TAOK2: variants seen among roughly 807,000 people sequenced by gnomAD.
TAOK2 encodes the protein TAO kinase 2, also known as serine/threonine-protein kinase TAO2.
Under a neutral mutation model 122.5 loss-of-function variants are expected in TAOK2, and 42 were observed. The ratio of observed to expected loss-of-function variants is 0.34; its 90% confidence interval spans 0.27 to 0.44. The LOEUF (loss-of-function observed/expected upper bound fraction) is 0.44, where lower values mean the gene tolerates loss of function less well. Among genes scored for constraint, TAOK2 ranks in the 20% least tolerant of loss-of-function variants. The pLI is 1.00. For missense variants in TAOK2, 1,264 were observed against 1,644.9 expected (o/e 0.77, Z 4.01); for synonymous variants, 704 against 677.6 (o/e 1.04, Z -0.61).
Position 29,986,416 on chromosome 16 carries a change from G to T in TAOK2, c.2144G>T (p.Gly715Val), listed in dbSNP as rs1042209489. 3 of 1,611,374 alleles carry T rather than the reference G, an allele frequency of 1.9e-6. No individual in the cohort carries two copies. The highest frequency in any genetic ancestry group is 2.5e-6 in the Non-Finnish European group (3 of 1,178,584). The change falls in exon 16 of 16, where the codon GGC (glycine) becomes GTC (valine). Residue 715 changes from glycine to valine, a missense_variant. Physicochemically the swap from Gly to Val is moderately radical, Grantham distance 109. This residue lies in a region of TAOK2 where 824 missense variants were observed against 908.7 expected (regional missense o/e 0.91). Coordinates refer to ENST00000308893, the MANE Select transcript of TAOK2 (RefSeq NM_016151.4). This position sits in a 1 kb window ranked among gnomAD's most constrained non-coding sequence, Gnocchi z 4.2. ...LTRLQHQTEL[G>V]NQLEYNKRRE... The stretch of plus-strand genomic sequence containing the variant: ...CGCCTGCAGCACCAGACGGAGCTGG[G>T]CAACCAGCTGGAGTACAACAAGCGG...
chr16:29,985,457 C>T lies in TAOK2; in HGVS notation c.1667C>T (p.Ala556Val). Residue 556 changes from alanine to valine, a missense_variant, in exon 14 of 16, where the codon GCT becomes GTT. Coordinates refer to ENST00000308893, the MANE Select transcript of TAOK2 (RefSeq NM_016151.4). The surrounding 1 kb of genome is among the most constrained non-coding windows in gnomAD (Gnocchi z 6.9). ...GCCATAGGTGAGAAGGAGGCACGAG[C>T]TGCCCAGGCCGAGGAGCGGAAGTTC... ...HQAIGEKEARAAQAEERKFQQ... is the reference protein window; with the variant it reads ...HQAIGEKEARVAQAEERKFQQ... 1.2e-6 allele frequency: 2 copies of T among 1,612,118 alleles called. No homozygotes were observed. Among genetic ancestry groups the T allele is most frequent in the South Asian group, 1.1e-5 (1 of 90,918 alleles).
chr16:29,991,248 C>T (rs1483421412), downstream of TAOK2: 6 of 1,612,096 alleles, frequency 3.7e-6, no homozygotes, highest in East Asian at 2.2e-5. The surrounding 1 kb of genome is among the most constrained non-coding windows in gnomAD (Gnocchi z 5.6). Context: ...CTGGCCCTCC[C>T]GTCCCGTTCC....
chr16:29,982,003 C>CA (rs1299088873), intron 10 of TAOK2, 63 bp downstream of exon 10: 12 of 1,419,784 alleles, frequency 8.5e-6, no homozygotes, highest in Non-Finnish European at 1.2e-5. Context: ...CAAGAACCCC[C>CA]AGGGAAATTA....
chr16:29,990,025 A>T (rs931631596), downstream of TAOK2: 2 of 538,490 alleles, frequency 3.7e-6, no homozygotes, highest in African/African-American at 3.8e-5. Context: ...TGACAAAGCC[A>T]TGTGCCTATT....
downstream of TAOK2, chr16:29,988,472 C>T (rs1009342606): frequency 1.6e-5 from 20 of 1,223,282 alleles, no homozygotes; most frequent in East Asian, 2.4e-4. Flanking sequence ...GGCTGACCCT[C>T]GGCCCGGCTC....
Position 29,978,799 on chromosome 16 carries a change from C to T in TAOK2, c.307C>T (p.Leu103=). 1.2e-6 allele frequency: 2 copies of T among 1,614,066 alleles called. No individual in the cohort carries two copies. The highest frequency in any genetic ancestry group is 1.7e-6 in the Non-Finnish European group (2 of 1,180,004). Residue 103 remains leucine (L), a splice_region_variant and synonymous_variant, in exon 5 of 16, where the codon CTG becomes TTG. Coordinates refer to ENST00000308893, the MANE Select transcript of TAOK2 (RefSeq NM_016151.4). ...TCTCTGACCCTTGTCTCTTCCTTAGCTGGTAATGGAGTATTGCCTGGGCTC... is the reference window on the plus strand; with the variant it reads ...TCTCTGACCCTTGTCTCTTCCTTAGTTGGTAATGGAGTATTGCCTGGGCTC... ...GCYLREHTAW[L]VMEYCLGSAS...
chr16:29,989,778 C>T (rs1267250342), downstream of TAOK2: 3 of 1,613,836 alleles, frequency 1.9e-6, no homozygotes, highest in Non-Finnish European at 2.5e-6. Flanking sequence ...ATGACCAGTC[C>T]ATCTCAGAGA....
intron 1 of TAOK2, among the ~76,000 whole-genome samples, chr16:29,977,422 C>T (rs995396889): frequency 5.3e-5 from 8 of 152,100 alleles, no homozygotes; most frequent in African/African-American, 1.7e-4. Flanking sequence ...AATGTTTTAT[C>T]CTTGAGGGGA....
intron 1 of TAOK2, among the ~76,000 whole-genome samples, chr16:29,975,644 G>A (rs1181174330): frequency 6.6e-6 from 1 of 152,144 alleles, no homozygotes; most frequent in East Asian, 1.9e-4. Flanking sequence ...CCAATCCCAG[G>A]GTTTGGCCTG....
Position 29,985,880 on chromosome 16 carries a change from G to C in TAOK2, c.1992+19G>C, listed in dbSNP as rs1244239179. The stretch of plus-strand genomic sequence containing the variant: ...GCGGGAGGTAGGCATCCCAATCTCT[G>C]TTCCCCTCCCGCTCACTCGTGGATC... On this transcript the variant is annotated intron_variant, in intron 15 of 15. Transcript: ENST00000308893. The surrounding 1 kb of genome is among the most constrained non-coding windows in gnomAD (Gnocchi z 6.9). 6.2e-7 allele frequency: 1 copy of C among 1,608,342 alleles called. No individual in the cohort carries two copies. The highest frequency in any genetic ancestry group is 8.5e-7 in the Non-Finnish European group (1 of 1,178,002).
At chr16:29,975,348 C>T (rs772667317) in intron 1 of TAOK2, among the ~76,000 whole-genome samples, 5 of 152,166 alleles carry the variant, frequency 3.3e-5, no homozygotes, top group African/African-American at 7.2e-5. Context: ...ACGTTGAGGC[C>T]GAGAGAGGTT....
chr16:29,984,157 T>C (rs1488951715), intron 13 of TAOK2, among the ~76,000 whole-genome samples: 3 of 152,202 alleles, frequency 2.0e-5, no homozygotes, highest in Non-Finnish European at 4.4e-5. Context: ...GATATCTGTC[T>C]CATGCCAGCA....
At position 29,987,612 on chromosome 16, in the gene TAOK2, C is replaced by T; in HGVS notation, c.3340C>T (p.Leu1114=). The change falls in exon 16 of 16, where the codon CTG becomes TTG. Residue 1114 remains leucine, a synonymous_variant. Coordinates refer to ENST00000308893, the MANE Select transcript of TAOK2 (RefSeq NM_016151.4). The stretch of plus-strand genomic sequence containing the variant: ...TGTGGGGGACCGGGGTCTGTTTGCA[C>T]TGTACCCCAAAACCAACAAGGATGG... ...GAVGDRGLFA[L]YPKTNKDGFR... is the part of the protein sequence containing the mutation. 7.4e-6 allele frequency: 12 copies of T among 1,613,022 alleles called. No homozygotes were observed. Among genetic ancestry groups the T allele is most frequent in the Non-Finnish European group, 1.0e-5 (12 of 1,179,338 alleles).
intron 8 of TAOK2, chr16:29,980,843 A>C (rs771476917): frequency 1.3e-5 from 2 of 152,210 alleles, no homozygotes; most frequent in Admixed American, 1.3e-4. Flanking sequence ...TACTAAGTCA[A>C]TATCAGGGAA....
chr16:29,983,196 C>G lies in TAOK2; in HGVS notation c.1124C>G (p.Ser375Ter). 1 of 1,614,002 alleles carries G rather than the reference C, an allele frequency of 6.2e-7. No homozygotes were observed. Among genetic ancestry groups the G allele is most frequent in the Non-Finnish European group, 8.5e-7 (1 of 1,179,986 alleles). Residue 375 changes from serine (S) to a stop codon, truncating the protein, a stop_gained, in exon 12 of 16, where the codon TCA (serine) becomes TGA (stop). Coordinates refer to ENST00000308893, the MANE Select transcript of TAOK2 (RefSeq NM_016151.4). LOFTEE classifies it high-confidence loss of function. ...SSSVNSLADA[S>*]DNEEEEEEEE... ...TCCGTCAACAGCCTAGCAGATGCCT[C>G]AGACAACGAGGAAGAGGAGGAGGAG...
chr16:29,976,946 C>T (rs2069473945), intron 1 of TAOK2, among the ~76,000 whole-genome samples: 1 of 152,170 alleles, frequency 6.6e-6, no homozygotes, highest in Non-Finnish European at 1.5e-5. Flanking sequence ...GTTTCTTTAT[C>T]TGTAAGATAG....
intron 13 of TAOK2, 24 bp downstream of exon 13, chr16:29,983,688 G>C (rs1351565348): frequency 3.1e-6 from 5 of 1,587,444 alleles, no homozygotes; most frequent in African/African-American, 1.3e-5. Context: ...TCCTCACTCA[G>C]CCTGCTCGCT....
rs372026769 is a variant in TAOK2, at chr16:29,987,290, T to C, written c.3018T>C (p.Leu1006=). 1.3e-6 allele frequency: 2 copies of C among 1,526,718 alleles called. No homozygotes were observed. The highest frequency in any genetic ancestry group is 2.8e-5 in the African/African-American group (2 of 71,812). 94.6% of individuals were successfully genotyped at this position (1,526,718 alleles called of 1,614,324 possible). Residue 1006 remains leucine, a synonymous_variant, in exon 16 of 16, where the codon CTT becomes CTC. Transcript: ENST00000308893. ...GTCTGGGGGCCTCCTACCTGCTCCT[T>C]TGTACAGCCCTGCACCTGCCCTCCA... ...LVGLGASYLL[L]CTALHLPSSL...
chr16:29,978,229 C>T, intron 3 of TAOK2, 23 bp from the exon 4 acceptor site: 1 of 1,614,014 alleles, frequency 6.2e-7, no homozygotes, highest in Non-Finnish European at 8.5e-7. Flanking sequence ...GCTGGGTAAC[C>T]TCTGCCTACC....
Sources: allele counts gnomAD v4.1 joint callset (sites outside exome capture counted in the v4.1 genomes callset), GRCh38; gene constraint gnomAD v4.1.1; regional missense constraint gnomAD v4.1.1; non-coding constraint Gnocchi (gnomAD v3.1); transcripts MANE v1.5; gene names NCBI Gene and HGNC (gene_info 2026-07-23, HGNC 2026-07-21).